Variants in SHQ1 observed in about 807,000 individuals in gnomAD.
SHQ1 encodes protein SHQ1 homolog.
In SHQ1, 49 loss-of-function variants were observed where a neutral mutation model predicts 53.8. The ratio of observed to expected loss-of-function variants is 0.91; its 90% CI spans 0.72 to 1.16. The LOEUF (loss-of-function observed/expected upper bound fraction) is 1.16. Among genes scored for constraint, SHQ1 ranks in the 50% most tolerant of loss-of-function variants. The pLI is 0.00. For missense variants in SHQ1, 738 were observed against 683.1 expected (o/e 1.08, Z -0.90); for synonymous variants, 243 against 251.0 (o/e 0.97, Z 0.30).
At chr3:72,760,551 T>C (rs1393245956) in intron 10 of SHQ1, among the ~76,000 whole-genome samples, 4 of 152,222 alleles carry the variant, frequency 2.6e-5, no homozygotes, top group Non-Finnish European at 5.9e-5. Flanking sequence ...TTGATGCAGC[T>C]TGAAAGTTTG....
chr3:72,843,094 T>C (rs542874196), intron 2 of SHQ1, among the ~76,000 whole-genome samples: 1 of 149,916 alleles, frequency 6.7e-6, no homozygotes, highest in African/African-American at 2.5e-5. Flanking sequence ...AAAAAAAAAA[T>C]TATTTATCTG....
chr3:72,795,831 G>A (rs760355209), intron 9 of SHQ1, among the ~76,000 whole-genome samples: 3 of 152,248 alleles, frequency 2.0e-5, no homozygotes, highest in East Asian at 1.9e-4. Flanking sequence ...GGGGCTAGGC[G>A]TGGTGGCTCA....
chr3:72,847,011 T>G (rs535306418), intron 1 of SHQ1, among the ~76,000 whole-genome samples: 1 of 152,300 alleles, frequency 6.6e-6, no homozygotes, highest in Non-Finnish European at 1.5e-5. Context: ...CATTCTCTAT[T>G]AGTGCACTTC....
intron 4 of SHQ1, among the ~76,000 whole-genome samples, chr3:72,833,689 T>C (rs1168900496): frequency 6.6e-6 from 1 of 152,234 alleles, no homozygotes; most frequent in African/African-American, 2.4e-5. Flanking sequence ...TACATACTGA[T>C]ATGGAACATG....
intron 9 of SHQ1, among the ~76,000 whole-genome samples, chr3:72,806,005 G>A (rs1196188641): frequency 6.7e-6 from 1 of 150,086 alleles, no homozygotes; most frequent in African/African-American, 2.5e-5. Flanking sequence ...CTATGGAGAT[G>A]ACTAGAACTT....
At chr3:72,771,776 T>C (rs745517495) in intron 10 of SHQ1, among the ~76,000 whole-genome samples, 3 of 152,208 alleles carry the variant, frequency 2.0e-5, no homozygotes, top group Non-Finnish European at 2.9e-5. Flanking sequence ...AGGGATACAA[T>C]AGTAATCCTC....
intron 10 of SHQ1, among the ~76,000 whole-genome samples, chr3:72,755,851 GGTCAAATGGCATTATT>G: frequency 6.6e-6 from 1 of 152,098 alleles, no homozygotes; most frequent in African/African-American, 2.4e-5. Context: ...CCAAAAGCTT[GGTCAAATGGCATTATT>G]AGATAACCAC....
chr3:72,843,068 TTC>T (rs1358247320), intron 2 of SHQ1, among the ~76,000 whole-genome samples: 1 of 150,516 alleles, frequency 6.6e-6, no homozygotes, highest in African/African-American at 2.5e-5. Context: ...CAGAGCGAGA[TTC>T]TGTCTCAAAA....
chr3:72,764,890 T>C (rs1705687890), intron 10 of SHQ1, among the ~76,000 whole-genome samples: 1 of 152,222 alleles, frequency 6.6e-6, no homozygotes, highest in Non-Finnish European at 1.5e-5. Context: ...GGGATGGGAA[T>C]GGTGGGAGGT....
chr3:72,797,405 T>C (rs1228530629), intron 9 of SHQ1, among the ~76,000 whole-genome samples: 2 of 152,150 alleles, frequency 1.3e-5, no homozygotes, highest in Non-Finnish European at 2.9e-5. Flanking sequence ...GGGAGTACAG[T>C]TGTTTATTCT....
intron 10 of SHQ1, among the ~76,000 whole-genome samples, chr3:72,783,746 C>G (rs1170212580): frequency 6.6e-6 from 1 of 152,002 alleles, no homozygotes; most frequent in Admixed American, 6.6e-5. Flanking sequence ...TTTTCCAAGT[C>G]TGGATTCATG....
chr3:72,774,311 AAAAC>A (rs1305882590), intron 10 of SHQ1, among the ~76,000 whole-genome samples: 1 of 152,190 alleles, frequency 6.6e-6, no homozygotes, highest in Non-Finnish European at 1.5e-5. Flanking sequence ...AAAGATACAA[AAAAC>A]AAACAGCCCA....
At chr3:72,740,231 C>G in the SHQ1 span, among the ~76,000 whole-genome samples, 1 of 152,182 alleles carries the variant, frequency 6.6e-6, no homozygotes, top group Non-Finnish European at 1.5e-5. Context: ...ATGAATGATT[C>G]AGTGTTTACC....
At chr3:72,738,369 A>G in the SHQ1 span, among the ~76,000 whole-genome samples, 12 of 152,218 alleles carry the variant, frequency 7.9e-5, no homozygotes, top group Non-Finnish European at 1.5e-4. Context: ...ATTTGGTTCC[A>G]GGAAGGCCCT....
chr3:72,809,850 T>A (rs1707064325), intron 9 of SHQ1: 1 of 151,956 alleles, frequency 6.6e-6, no homozygotes, highest in Non-Finnish European at 1.5e-5. Flanking sequence ...TCCCAGCTAC[T>A]TGGGAGGCTG....
At position 72,763,935 on chromosome 3, in the gene SHQ1, C is replaced by T. The variant is rs144365552; in HGVS notation, c.1182-13099G>A. Among the ~76,000 whole-genome samples the T allele has an allele frequency of 2.3e-3, 347 of 151,786 alleles. 2 individuals carry two copies. The highest frequency in any genetic ancestry group is 3.8e-3 in the Non-Finnish European group (255 of 67,960). On this transcript the variant is annotated intron_variant, in intron 10 of 10. Coordinates refer to ENST00000325599, the MANE Select transcript of SHQ1 (RefSeq NM_018130.3). ...GCCTTAGGAAATGAATATAGAAGAACATCAGTGATGAAGATCCTTACAGCA... is the reference window on the plus strand; with the variant it reads ...GCCTTAGGAAATGAATATAGAAGAATATCAGTGATGAAGATCCTTACAGCA...
intron 5 of SHQ1, among the ~76,000 whole-genome samples, chr3:72,829,260 G>A (rs1707758737): frequency 6.6e-6 from 1 of 152,158 alleles, no homozygotes; most frequent in South Asian, 2.1e-4. Flanking sequence ...TCAAGTCAGT[G>A]GGATGCCTAG....
chr3:72,812,810 TTAA>T lies in SHQ1; in HGVS notation c.937-19_937-17del. On this transcript the variant is annotated splice_polypyrimidine_tract_variant and intron_variant, in intron 8 of 10. Coordinates refer to ENST00000325599, the MANE Select transcript of SHQ1 (RefSeq NM_018130.3). The stretch of plus-strand genomic sequence containing the variant: ...TAGTCCAAGTCTGTGAAGTGTCATT[TTAA>T]TAAGCAGTCATTTCCACAAAATGTT... The T allele has an allele frequency of 1.2e-6, 2 of 1,613,426 alleles. No homozygotes were observed. Among genetic ancestry groups the T allele is most frequent in the Non-Finnish European group, 1.7e-6 (2 of 1,179,690 alleles).
chr3:72,787,751 C>T (rs191145852), intron 10 of SHQ1, among the ~76,000 whole-genome samples: 344 of 151,146 alleles, frequency 2.3e-3, no homozygotes, highest in African/African-American at 8.1e-3. Context: ...TGCACGGTCT[C>T]CCTCTGATGC....
Sources: gnomAD v4.1 joint callset for allele counts (sites outside exome capture counted in the v4.1 genomes callset) on GRCh38, gnomAD v4.1.1 for gene constraint, MANE v1.5 for transcripts, NCBI Gene and HGNC (gene_info 2026-07-23, HGNC 2026-07-21) for gene names.